The following NCAM1 variants were observed in gnomAD, a reference collection of about 807,000 sequenced individuals.
NCAM1 encodes neural cell adhesion molecule 1.
In NCAM1, 14 loss-of-function variants were observed where a neutral mutation model predicts 109.8. That is an observed-to-expected ratio of 0.13 (90% CI 0.08 to 0.20). The LOEUF (loss-of-function observed/expected upper bound fraction) is 0.20, where lower values mean the gene tolerates loss of function less well. NCAM1 is among the 10% of genes least tolerant of loss of function. The pLI is 1.00. For synonymous variants in NCAM1, 418 were observed against 442.9 expected, an observed-to-expected ratio of 0.94 and a Z score of 0.70; for missense variants, 774 against 1,109.9, an observed-to-expected ratio of 0.70 and a Z score of 4.30.
intron 1 of NCAM1, among the ~76,000 whole-genome samples, chr11:113,181,825 A>G (rs897358049): frequency 6.6e-6 from 1 of 152,154 alleles, no homozygotes; most frequent in Non-Finnish European, 1.5e-5. Context: ...GCCACTCAGG[A>G]TTAGATTAAG....
intron 1 of NCAM1, among the ~76,000 whole-genome samples, chr11:112,990,963 C>T (rs74889380): frequency 0.042 from 6,352 of 152,230 alleles, 448 homozygotes; most frequent in Admixed American, 0.14. Flanking sequence ...CATAAAGGCA[C>T]TTTTGCTGTA....
chr11:113,148,063 AC>A (rs1406014126), intron 1 of NCAM1, among the ~76,000 whole-genome samples: 2 of 152,218 alleles, frequency 1.3e-5, no homozygotes, highest in South Asian at 2.1e-4. Flanking sequence ...TTTTTTGAGT[AC>A]CACACAGAGA....
At chr11:113,053,322 G>A (rs1457791765) in intron 1 of NCAM1, among the ~76,000 whole-genome samples, 1 of 152,070 alleles carries the variant, frequency 6.6e-6, no homozygotes, top group African/African-American at 2.4e-5. Flanking sequence ...TGGGCATTTG[G>A]GTTGATTCCA....
chr11:113,072,351 G>A (rs566687045), intron 1 of NCAM1, among the ~76,000 whole-genome samples: 1 of 152,290 alleles, frequency 6.6e-6, no homozygotes, highest in Admixed American at 6.5e-5. Context: ...CAATGAAATG[G>A]TAGTTTCAGA....
chr11:113,232,334 C>G lies in NCAM1; in HGVS notation c.1405C>G (p.Pro469Ala). 1 of 1,611,236 alleles carries G rather than the reference C, an allele frequency of 6.2e-7. No individual in the cohort carries two copies. Among genetic ancestry groups the G allele is most frequent in the Non-Finnish European group, 8.5e-7 (1 of 1,178,432 alleles). ...CAGCAATATCAAGATCTACAACACC[C>G]CCTCTGCCAGCTATCTGGAGGTGAG... ...NYSNIKIYNT[P>A]SASYLEVTPD... Residue 469 changes from proline to alanine, a missense_variant, in exon 11 of 20, where the codon CCC becomes GCC. Around this residue, in one of 4 missense-constraint regions of NCAM1, gnomAD observed 523 missense variants for 784.2 expected, o/e 0.67. Transcript: ENST00000316851.
intron 1 of NCAM1, among the ~76,000 whole-genome samples, chr11:113,127,452 G>A (rs782098572): frequency 7.9e-5 from 12 of 152,198 alleles, no homozygotes; most frequent in East Asian, 1.9e-4. Context: ...AGCTTGCATC[G>A]TACTATTACT....
chr11:112,995,782 A>G (rs1555071341), intron 1 of NCAM1, among the ~76,000 whole-genome samples: 4 of 152,188 alleles, frequency 2.6e-5, no homozygotes, highest in Non-Finnish European at 5.9e-5. Flanking sequence ...TGCTGTGAAG[A>G]TCTTTGGCCG....
At chr11:113,157,079 G>A (rs1394981950) in intron 1 of NCAM1, among the ~76,000 whole-genome samples, 1 of 151,794 alleles carries the variant, frequency 6.6e-6, no homozygotes, top group East Asian at 1.9e-4. Context: ...AATATATATT[G>A]CAAGGTCACC....
At chr11:113,151,716 A>C (rs1253122414) in intron 1 of NCAM1, among the ~76,000 whole-genome samples, 1 of 152,238 alleles carries the variant, frequency 6.6e-6, no homozygotes, top group Non-Finnish European at 1.5e-5. Context: ...ATGCAGGGGC[A>C]AGGTTTTGCT....
Position 112,961,671 on chromosome 11 carries a change from T to A in NCAM1, c.52+7T>A. 2 of 1,187,904 alleles carry A rather than the reference T, an allele frequency of 1.7e-6. No individual in the cohort carries two copies. Among genetic ancestry groups the A allele is most frequent in the Non-Finnish European group, 2.3e-6 (2 of 855,686 alleles). 73.6% of individuals were successfully genotyped at this position (1,187,904 alleles called of 1,614,324 possible). On this transcript the variant is annotated splice_region_variant and intron_variant, in intron 1 of 19. Coordinates refer to ENST00000316851, the MANE Select transcript of NCAM1 (RefSeq NM_181351.5). ...TTTTTCCTGGGAACTGCAGGTACAT[T>A]TTTTTTTTTTTTAATTCTCAATCTG...
intron 9 of NCAM1, chr11:113,231,151 C>A (rs1176686701): frequency 2.7e-6 from 4 of 1,499,318 alleles, no homozygotes; most frequent in Non-Finnish European, 2.7e-6. Flanking sequence ...ATAAGGATTT[C>A]TTTAATAATT....
intron 1 of NCAM1, among the ~76,000 whole-genome samples, chr11:113,150,865 G>A (rs1217263331): frequency 4.6e-5 from 7 of 152,150 alleles, no homozygotes; most frequent in African/African-American, 1.7e-4. Context: ...AAGATGAGCT[G>A]GGCAAGGAGG....
intron 1 of NCAM1, among the ~76,000 whole-genome samples, chr11:112,967,378 T>A (rs1272573850): frequency 6.6e-6 from 1 of 152,036 alleles, no homozygotes; most frequent in Non-Finnish European, 1.5e-5. Context: ...TTAAAAGGAG[T>A]GAGATGACAT....
At chr11:113,006,879 A>C (rs149801358) in intron 1 of NCAM1, among the ~76,000 whole-genome samples, 1 of 152,250 alleles carries the variant, frequency 6.6e-6, no homozygotes, top group African/African-American at 2.4e-5. Context: ...CACCATTTCC[A>C]CTTTAAGACC....
intron 1 of NCAM1, among the ~76,000 whole-genome samples, chr11:113,119,411 T>C (rs1224426593): frequency 6.6e-6 from 1 of 152,208 alleles, no homozygotes. Flanking sequence ...CCACTGGTTC[T>C]ATGATCTGGA....
intron 1 of NCAM1, among the ~76,000 whole-genome samples, chr11:113,061,370 T>C (rs560631062): frequency 7.2e-5 from 11 of 152,262 alleles, no homozygotes; most frequent in African/African-American, 2.7e-4. Flanking sequence ...CTAAGTAATA[T>C]TTTAATTGAA....
At chr11:113,216,103 G>C (rs1293977062) in intron 8 of NCAM1, among the ~76,000 whole-genome samples, 1 of 149,382 alleles carries the variant, frequency 6.7e-6, no homozygotes, top group African/African-American at 2.5e-5. Flanking sequence ...GCCTACTGAG[G>C]TTCTTTAATA....
At chr11:113,059,609 G>A (rs1295882081) in intron 1 of NCAM1, among the ~76,000 whole-genome samples, 1 of 152,168 alleles carries the variant, frequency 6.6e-6, no homozygotes, top group Non-Finnish European at 1.5e-5. Context: ...CTTCTTACAT[G>A]GCAGCTGGTT....
chr11:113,210,775 AACACACACACACACAC>A (rs35387760), intron 7 of NCAM1, among the ~76,000 whole-genome samples: 1,749 of 130,982 alleles, frequency 0.013, 17 homozygotes, highest in Non-Finnish European at 0.021. Flanking sequence ...CTTCATCACA[AACACACACACACACAC>A]ACACACACAC....
Sources: allele counts gnomAD v4.1 joint callset (sites outside exome capture counted in the v4.1 genomes callset), GRCh38; gene constraint gnomAD v4.1.1; regional missense constraint gnomAD v4.1.1; transcripts MANE v1.5; gene names NCBI Gene and HGNC (gene_info 2026-07-23, HGNC 2026-07-21).